The following KYNU variants were observed in gnomAD, a reference collection of about 807,000 sequenced individuals.
The protein encoded by KYNU is L-kynurenine hydrolase.
A neutral mutation model predicts 59.2 loss-of-function variants in KYNU; 54 were observed. That is an observed-to-expected ratio of 0.91 (90% CI 0.73 to 1.14). The LOEUF (loss-of-function observed/expected upper bound fraction) is 1.14. Ranked by LOEUF, KYNU falls within the 50% of genes most tolerant of loss-of-function variation. KYNU has a pLI of 0.00. For synonymous variants in KYNU, 177 were observed against 192.0 expected, an observed-to-expected ratio of 0.92 and a Z score of 0.65; for missense variants, 567 against 554.4, an observed-to-expected ratio of 1.02 and a Z score of -0.23.
rs143333589 is a variant in KYNU at position 143,006,327 on chromosome 2, C to T, written c.902+20306C>T. On this transcript the variant is annotated intron_variant, in intron 10 of 13. Transcript: ENST00000264170. ...CCTGGAAAATCGGGTCACTCCCACC[C>T]GAATACTGCGCTTTTCTGATTGACT... 4.4e-3 allele frequency among the ~76,000 whole-genome samples: 671 copies of T among 151,898 alleles called. 3 individuals carry two copies. The highest frequency in any genetic ancestry group is 0.016 in the African/African-American group (644 of 41,400).
intron 2 of KYNU, among the ~76,000 whole-genome samples, chr2:142,897,358 C>G (rs1681914389): frequency 6.6e-6 from 1 of 152,142 alleles, no homozygotes; most frequent in African/African-American, 2.4e-5. Context: ...AATCATAAAT[C>G]CCACTTAAGC....
intron 1 of KYNU, among the ~76,000 whole-genome samples, chr2:142,883,930 A>G (rs940885741): frequency 2.0e-4 from 31 of 152,252 alleles, no homozygotes; most frequent in African/African-American, 7.2e-4. Flanking sequence ...TGAAAGAGTA[A>G]ATAAATGTAT....
chr2:142,987,772 A>G (rs1453138445), intron 10 of KYNU, among the ~76,000 whole-genome samples: 1 of 151,956 alleles, frequency 6.6e-6, no homozygotes, highest in East Asian at 1.9e-4. Flanking sequence ...CCCAAATCTC[A>G]TGTAGAATTG....
chr2:143,048,480 G>GTCTC lies in KYNU; in HGVS notation c.*6319_*6322dup, dbSNP rs1228759471. Reference sequence around the variant, plus strand: ...CTCCTCTTTCTCTCTCTCTCTCTCTGTCTCTCTCTCTCTCACTAATGTTTG... The same window carrying GTCTC: ...CTCCTCTTTCTCTCTCTCTCTCTCTGTCTCTCTCTCTCTCTCTCACTAATGTTTG... On this transcript the variant is annotated 3_prime_UTR_variant, in exon 14 of 14. Coordinates refer to ENST00000264170, the MANE Select transcript of KYNU (RefSeq NM_003937.3). The GTCTC allele has an allele frequency of 6.7e-6, 1 of 149,908 alleles. No individual in the cohort carries two copies. Among genetic ancestry groups the GTCTC allele is most frequent in the Non-Finnish European group, 1.5e-5 (1 of 67,420 alleles). The allele number at this position is 149,908 out of a possible 1,614,324, so 9.3% of individuals were successfully genotyped here. A position where few individuals can be genotyped will look rare whatever the true frequency, so the allele number is the denominator to read the frequency against.
In KYNU at chr2:143,045,836, C is replaced by T. The variant is rs1687156455; in HGVS notation, c.*3664C>T. 1 of 152,082 alleles carries T rather than the reference C, an allele frequency of 6.6e-6. No homozygotes were observed. The highest frequency in any genetic ancestry group is 2.4e-5 in the African/African-American group (1 of 41,418). The allele number at this position is 152,082 out of a possible 1,614,324, so 9.4% of individuals were successfully genotyped here. On this transcript the variant is annotated 3_prime_UTR_variant, in exon 14 of 14. Coordinates refer to ENST00000264170, the MANE Select transcript of KYNU (RefSeq NM_003937.3). ...TTCAACTTCATAGTGGTAAACAAAA[C>T]ATATGTGTTTTCAGTTCTCATGGAA...
At chr2:143,023,998 A>T (rs1304843230) in intron 10 of KYNU, among the ~76,000 whole-genome samples, 1 of 151,796 alleles carries the variant, frequency 6.6e-6, no homozygotes, top group African/African-American at 2.4e-5. Context: ...ACTCAATTAA[A>T]ATAAATAACT....
chr2:142,891,860 C>T (rs1681723066), intron 2 of KYNU, among the ~76,000 whole-genome samples: 2 of 151,906 alleles, frequency 1.3e-5, no homozygotes, highest in African/African-American at 2.4e-5. Context: ...CTCTAACTTT[C>T]ATAAGAAAAC....
At chr2:142,989,453 C>T in intron 10 of KYNU, 1 of 984,842 alleles carries the variant, frequency 1.0e-6, no homozygotes, top group Non-Finnish European at 1.2e-6. Context: ...ATTGATGTCA[C>T]ACTTTGTGAA....
chr2:143,025,754 C>G (rs1686534433), intron 10 of KYNU, among the ~76,000 whole-genome samples: 1 of 151,906 alleles, frequency 6.6e-6, no homozygotes, highest in Non-Finnish European at 1.5e-5. Flanking sequence ...GCAGAAGAAC[C>G]ATTGGGGACA....
At chr2:142,980,205 T>G (rs373523) in intron 8 of KYNU, among the ~76,000 whole-genome samples, 51 of 149,028 alleles carry the variant, frequency 3.4e-4, no homozygotes, top group East Asian at 1.4e-3. Context: ...AGCTTATAAT[T>G]AGCTTATAAT....
At chr2:143,030,739 G>T (rs1318418957) in intron 11 of KYNU, among the ~76,000 whole-genome samples, 1 of 151,970 alleles carries the variant, frequency 6.6e-6, no homozygotes, top group African/African-American at 2.4e-5. Flanking sequence ...ATATATAGGT[G>T]CTCTTTGACT....
intron 4 of KYNU, chr2:142,947,281 C>A: frequency 2.0e-6 from 3 of 1,507,634 alleles, no homozygotes; most frequent in African/African-American, 2.8e-5. Context: ...GACAAATTCA[C>A]TTAAAACTCA....
Position 143,046,286 on chromosome 2 carries a change from A to G in KYNU, c.*4114A>G, listed in dbSNP as rs1474293006. 1 of 152,146 alleles carries G rather than the reference A, an allele frequency of 6.6e-6. No individual in the cohort carries two copies. The highest frequency in any genetic ancestry group is 1.5e-5 in the Non-Finnish European group (1 of 68,038). The allele number at this position is 152,146 out of a possible 1,614,324, so 9.4% of individuals were successfully genotyped here. On this transcript the variant is annotated 3_prime_UTR_variant, in exon 14 of 14. Transcript: ENST00000264170. ...TGTGCATGAATATTGTATCAATGCA[A>G]TTATACTGTATATATTCTGCTTTTG...
At chr2:142,889,665 T>C (rs1681638905) in intron 2 of KYNU, among the ~76,000 whole-genome samples, 2 of 152,202 alleles carry the variant, frequency 1.3e-5, no homozygotes, top group Non-Finnish European at 2.9e-5. Context: ...CTTTTTTGTT[T>C]TGACAAGATG....
intron 4 of KYNU, chr2:142,954,013 A>G (rs762047963): frequency 6.6e-6 from 1 of 152,098 alleles, no homozygotes; most frequent in Admixed American, 6.6e-5. Context: ...CGTAATTTCT[A>G]TTACACAGGT....
At position 142,891,633 on chromosome 2, in the gene KYNU, T is replaced by C. The variant is rs187727294; in HGVS notation, c.169+6097T>C. Among the ~76,000 whole-genome samples the C allele has an allele frequency of 2.3e-4, 35 of 152,336 alleles. No individual in the cohort carries two copies. The East Asian group carries it at 5.2e-3, about 23-fold the overall frequency. ...CTTCAGTTTGTCTCCAGGGCTTCCATATAACATAATAGAGAGCCTCTTAAA... is the reference window on the plus strand; with the variant it reads ...CTTCAGTTTGTCTCCAGGGCTTCCACATAACATAATAGAGAGCCTCTTAAA... On this transcript the variant is annotated intron_variant, in intron 2 of 13. Transcript: ENST00000264170.
chr2:142,975,279 CAG>C (rs1258825209), intron 8 of KYNU, among the ~76,000 whole-genome samples: 2 of 152,166 alleles, frequency 1.3e-5, no homozygotes, highest in Admixed American at 1.3e-4. Flanking sequence ...GCTGGACAGT[CAG>C]AGAGGATTTC....
intron 10 of KYNU, among the ~76,000 whole-genome samples, chr2:143,017,626 C>T (rs1383215781): frequency 6.6e-6 from 1 of 151,716 alleles, no homozygotes; most frequent in Admixed American, 6.6e-5. Context: ...TTAGTAGAGA[C>T]ATGGTTTCAC....
intron 8 of KYNU, among the ~76,000 whole-genome samples, chr2:142,980,901 G>T (rs1353973636): frequency 1.3e-5 from 2 of 152,068 alleles, no homozygotes; most frequent in Non-Finnish European, 2.9e-5. Flanking sequence ...CCTACATGAG[G>T]CAAAACAATG....
Sources: gnomAD v4.1 joint callset for allele counts (sites outside exome capture counted in the v4.1 genomes callset) on GRCh38, gnomAD v4.1.1 for gene constraint, MANE v1.5 for transcripts, NCBI Gene and HGNC (gene_info 2026-07-23, HGNC 2026-07-21) for gene names.